YAP1: variants seen among roughly 807,000 people sequenced by gnomAD.
The protein encoded by YAP1 is transcriptional coactivator YAP1.
In YAP1, 5 loss-of-function variants were observed where a neutral mutation model predicts 56.9. The ratio of observed to expected loss-of-function variants is 0.09; its 90% CI spans 0.05 to 0.18. The LOEUF (loss-of-function observed/expected upper bound fraction) is 0.18. Among genes scored for constraint, YAP1 ranks in the 10% least tolerant of loss-of-function variants. The probability of loss-of-function intolerance (pLI) is 1.00; values close to 1 mark genes in which losing one functional copy is unlikely to be tolerated. For missense variants in YAP1, 539 were observed against 651.8 expected (o/e 0.83, Z 1.88); for synonymous variants, 265 against 248.1 (o/e 1.07, Z -0.64).
chr11:102,144,971 C>T lies in YAP1; in HGVS notation c.573-17485C>T, dbSNP rs147400699. ...TCCCTCCCTCTCAGCTATTTCTGAG[C>T]ACAGAGTCTTTTGTTTAAAAGAGGG... On this transcript the variant is annotated intron_variant, in intron 2 of 8. Coordinates refer to ENST00000282441, the MANE Select transcript of YAP1 (RefSeq NM_001130145.3). Among the ~76,000 whole-genome samples the T allele has an allele frequency of 2.4e-3, 371 of 152,202 alleles. 1 individual carries two copies. The highest frequency in any genetic ancestry group is 4.5e-3 in the Non-Finnish European group (306 of 68,008).
chr11:102,151,135 G>A (rs978470380), intron 2 of YAP1, among the ~76,000 whole-genome samples: 1 of 151,938 alleles, frequency 6.6e-6, no homozygotes, highest in African/African-American at 2.4e-5. Context: ...GCTGAACATG[G>A]TCTTTATTCT....
chr11:102,216,528 A>AT (rs1949676429), intron 6 of YAP1, among the ~76,000 whole-genome samples: 2 of 152,210 alleles, frequency 1.3e-5, no homozygotes, highest in Admixed American at 1.3e-4. Context: ...TTTTCAGTGA[A>AT]TATCAACATT....
At chr11:102,227,218 C>T (rs188016251) in intron 7 of YAP1, 2 of 439,146 alleles carry the variant, frequency 4.6e-6, no homozygotes, top group Admixed American at 3.8e-5. Context: ...TGTCACCAAG[C>T]ACAGAACCTT....
intron 2 of YAP1, among the ~76,000 whole-genome samples, chr11:102,145,551 C>T (rs1348689144): frequency 2.0e-5 from 3 of 151,998 alleles, no homozygotes; most frequent in Non-Finnish European, 2.9e-5. Flanking sequence ...TCATCTAGGT[C>T]TCTAATACTT....
chr11:102,159,968 A>G (rs1946168287), intron 2 of YAP1, among the ~76,000 whole-genome samples: 2 of 152,136 alleles, frequency 1.3e-5, no homozygotes, highest in Non-Finnish European at 2.9e-5. Context: ...AAAAGAATCA[A>G]AAATCTATAT....
At chr11:102,155,059 G>A (rs893619637) in intron 2 of YAP1, among the ~76,000 whole-genome samples, 9 of 152,168 alleles carry the variant, frequency 5.9e-5, no homozygotes, top group Admixed American at 1.3e-4. Flanking sequence ...AGCTGCTGAA[G>A]CAGAGGTTCA....
chr11:102,181,468 A>G (rs181888194), intron 3 of YAP1, among the ~76,000 whole-genome samples: 2 of 151,806 alleles, frequency 1.3e-5, no homozygotes, highest in African/African-American at 4.8e-5. Context: ...ATAAATAAAT[A>G]AAATAAAATA....
chr11:102,152,862 A>G lies in YAP1; in HGVS notation c.573-9594A>G, dbSNP rs565641574. On this transcript the variant is annotated intron_variant, in intron 2 of 8. Transcript: ENST00000282441. ...TATATGTATTCTGGGTTTTTCCTCA[A>G]AAATGCAGGAGAGGACCATTGGTTC... 1.1e-4 allele frequency among the ~76,000 whole-genome samples: 16 copies of G among 152,334 alleles called. 1 individual carries two copies. The South Asian group carries it at 2.7e-3, about 26-fold the overall frequency.
At chr11:102,191,664 T>A (rs748241476) in intron 4 of YAP1, among the ~76,000 whole-genome samples, 7 of 152,154 alleles carry the variant, frequency 4.6e-5, no homozygotes, top group Admixed American at 1.3e-4. Context: ...TTTTCTTTTT[T>A]TCTTTTCTTC....
chr11:102,124,401 T>C (rs1159145029), intron 2 of YAP1, among the ~76,000 whole-genome samples: 1 of 152,218 alleles, frequency 6.6e-6, no homozygotes, highest in African/African-American at 2.4e-5. Context: ...TGCCTAGTCA[T>C]GTATCAGTTC....
At position 102,227,452 on chromosome 11, in the gene YAP1, C is replaced by CTG; in HGVS notation, c.1164-15_1164-14dup. ...TAAAATTTTTTGTGTTGGTCTTTAA[C>CTG]TGTCATGTTTATGTAGTGGCACCTA... is the stretch of plus-strand genomic sequence containing the variant. On this transcript the variant is annotated splice_polypyrimidine_tract_variant and intron_variant, in intron 7 of 8. Coordinates refer to ENST00000282441, the MANE Select transcript of YAP1 (RefSeq NM_001130145.3). 6.3e-7 allele frequency: 1 copy of CTG among 1,585,462 alleles called. No homozygotes were observed. Among genetic ancestry groups the CTG allele is most frequent in the Non-Finnish European group, 8.6e-7 (1 of 1,156,524 alleles).
intron 4 of YAP1, among the ~76,000 whole-genome samples, chr11:102,200,392 G>A (rs529886776): frequency 6.6e-6 from 1 of 151,096 alleles, no homozygotes; most frequent in South Asian, 2.1e-4. Context: ...TGAAAGTGAG[G>A]AAATGTAATT....
intron 2 of YAP1, among the ~76,000 whole-genome samples, chr11:102,129,618 CAAAAA>C (rs139054273): frequency 2.0e-5 from 2 of 100,174 alleles, no homozygotes; most frequent in East Asian, 2.8e-4. Context: ...ACTCTGTCTC[CAAAAA>C]AAAAAAAAAA....
chr11:102,118,932 CAG>C (rs994297834), intron 2 of YAP1, among the ~76,000 whole-genome samples: 5 of 151,928 alleles, frequency 3.3e-5, no homozygotes, highest in Non-Finnish European at 7.4e-5. Context: ...AAGTATAACC[CAG>C]AGTTTCCCTT....
Position 102,122,309 on chromosome 11 carries a change from A to T in YAP1, c.572+7915A>T, listed in dbSNP as rs115643421. ...GTAGCCCATGCCTGTAATCCCAGCT[A>T]CTCCTTTTGGGAGGCTGAGGCATGA... On this transcript the variant is annotated intron_variant, in intron 2 of 8. Transcript: ENST00000282441. Among the ~76,000 whole-genome samples the T allele has an allele frequency of 4.3e-3, 643 of 151,268 alleles. 5 individuals are homozygous for T. The highest frequency in any genetic ancestry group is 0.014 in the African/African-American group (570 of 41,176).
At chr11:102,229,022 C>T (rs935325861) in intron 8 of YAP1, among the ~76,000 whole-genome samples, 3 of 152,196 alleles carry the variant, frequency 2.0e-5, no homozygotes, top group African/African-American at 7.2e-5. Context: ...ATCTGTATTG[C>T]TCTCTTCTCC....
intron 6 of YAP1, among the ~76,000 whole-genome samples, chr11:102,215,124 G>A (rs1403229700): frequency 2.0e-5 from 3 of 152,154 alleles, no homozygotes; most frequent in Non-Finnish European, 4.4e-5. Flanking sequence ...ACAGTTTAAA[G>A]CTGTGTTGGA....
chr11:102,216,037 G>T (rs763925150), intron 6 of YAP1, among the ~76,000 whole-genome samples: 36 of 152,144 alleles, frequency 2.4e-4, no homozygotes, highest in Non-Finnish European at 4.7e-4. Flanking sequence ...GATAACAAAG[G>T]TTTCAGGAGG....
intron 4 of YAP1, among the ~76,000 whole-genome samples, chr11:102,197,683 T>G (rs1262297005): frequency 1.3e-5 from 2 of 152,236 alleles, no homozygotes; most frequent in Admixed American, 1.3e-4. Flanking sequence ...CTCTAAATTT[T>G]AAAATATTGC....
Sources: gnomAD v4.1 joint callset for allele counts (sites outside exome capture counted in the v4.1 genomes callset) on GRCh38, gnomAD v4.1.1 for gene constraint, MANE v1.5 for transcripts, NCBI Gene and HGNC (gene_info 2026-07-23, HGNC 2026-07-21) for gene names.